The following TWIST2 variants were observed in gnomAD, a reference collection of about 807,000 sequenced individuals.
The protein encoded by TWIST2 is twist-related protein 2.
Under a neutral mutation model 11.6 loss-of-function variants are expected in TWIST2, and 1 was observed. That is an observed-to-expected ratio of 0.09 (90% CI 0.03 to 0.41). The LOEUF (loss-of-function observed/expected upper bound fraction) is 0.41. TWIST2 is among the 10% of genes least tolerant of loss of function. The pLI is 0.98. For missense variants in TWIST2, 168 were observed against 226.4 expected, an observed-to-expected ratio of 0.74 and a Z score of 1.66; for synonymous variants, 87 against 96.6, an observed-to-expected ratio of 0.90 and a Z score of 0.58.
At chr2:238,902,515 A>G (rs1211038708) in intron 1 of TWIST2, among the ~76,000 whole-genome samples, 2 of 122,686 alleles carry the variant, frequency 1.6e-5, no homozygotes, top group African/African-American at 3.3e-5. Context: ...GTAGGTGTGG[A>G]TGTAGTATGG....
intron 1 of TWIST2, among the ~76,000 whole-genome samples, chr2:238,909,465 C>G (rs1693415987): frequency 6.6e-6 from 1 of 152,168 alleles, no homozygotes; most frequent in Non-Finnish European, 1.5e-5. Context: ...ACGTGCCGAG[C>G]CTCTCTTGTC....
chr2:238,870,085 G>A (rs1574753786), intron 1 of TWIST2, among the ~76,000 whole-genome samples: 1 of 100,020 alleles, frequency 1.0e-5, no homozygotes, highest in African/African-American at 4.4e-5. Context: ...CAAACAAAAC[G>A]ACAAAACGTG....
At chr2:238,880,783 ATTAGTG>A (rs1461311098) in intron 1 of TWIST2, among the ~76,000 whole-genome samples, 5 of 122,854 alleles carry the variant, frequency 4.1e-5, no homozygotes, top group Admixed American at 8.7e-5. Flanking sequence ...CAGTGTTAGT[ATTAGTG>A]TTAGTGTTAG....
At chr2:238,858,950 G>A (rs1333539224) in intron 1 of TWIST2, among the ~76,000 whole-genome samples, 4 of 152,286 alleles carry the variant, frequency 2.6e-5, no homozygotes, top group South Asian at 2.1e-4. Flanking sequence ...AGTGGCTCAC[G>A]CCTGTAATCT....
intron 1 of TWIST2, among the ~76,000 whole-genome samples, chr2:238,904,432 GTGTGTGATGTGGGGTA>G (rs1693317501): frequency 6.6e-6 from 1 of 151,454 alleles, no homozygotes. Flanking sequence ...GATGTGGGGT[GTGTGTGATGTGGGGTA>G]TGTGTGGGAT....
At position 238,880,848 on chromosome 2, in the gene TWIST2, A is replaced by G. The variant is rs1328000760; in HGVS notation, c.*36-28994A>G. On this transcript the variant is annotated intron_variant, in intron 1 of 1. Coordinates refer to ENST00000612363, the MANE Select transcript of TWIST2 (RefSeq NM_001271893.4). ...ATTTATTGGTATTAGTGTTAGTACT[A>G]GTATTTATTAGTGTTAGTGTTATTG... Among the ~76,000 whole-genome samples, 2 of 118,800 alleles carry G rather than the reference A, an allele frequency of 1.7e-5. 1 individual carries two copies. The highest frequency in any genetic ancestry group is 3.5e-5 in the Non-Finnish European group (2 of 56,824). 77.9% of individuals were successfully genotyped at this position (118,800 alleles called of 152,430 possible). A position where few individuals can be genotyped will look rare whatever the true frequency, so the allele number is the denominator to read the frequency against.
At position 238,870,384 on chromosome 2, in the gene TWIST2, C is replaced by A. The variant is rs373490187; in HGVS notation, c.*35+21651C>A. Among the ~76,000 whole-genome samples, 7 of 1,788 alleles carry A rather than the reference C, an allele frequency of 3.9e-3. 1 individual carries two copies. Among genetic ancestry groups the A allele is most frequent in the Non-Finnish European group, 6.6e-3 (3 of 458 alleles). 1.2% of individuals were successfully genotyped at this position (1,788 alleles called of 152,430 possible). On this transcript the variant is annotated intron_variant, in intron 1 of 1. Transcript: ENST00000612363. The stretch of plus-strand genomic sequence containing the variant: ...ACACACACCACACACCCCACACACC[C>A]CACACACCCCACACACACATCACAT...
At chr2:238,850,479 C>T (rs905593183) in intron 1 of TWIST2, among the ~76,000 whole-genome samples, 2 of 152,102 alleles carry the variant, frequency 1.3e-5, no homozygotes, top group Non-Finnish European at 2.9e-5. Flanking sequence ...CACATTGAGC[C>T]GTGTTTAAGG....
chr2:238,904,975 G>C (rs1280426519), intron 1 of TWIST2, among the ~76,000 whole-genome samples: 2 of 150,718 alleles, frequency 1.3e-5, no homozygotes, highest in Admixed American at 6.6e-5. Flanking sequence ...GGAAGGAAGA[G>C]AGAAAGAAAA....
intron 1 of TWIST2, among the ~76,000 whole-genome samples, chr2:238,902,302 T>C (rs1452484683): frequency 1.3e-5 from 2 of 150,352 alleles, no homozygotes; most frequent in African/African-American, 4.9e-5. Context: ...ATATGGAGTA[T>C]GTGTGTGTGA....
intron 1 of TWIST2, among the ~76,000 whole-genome samples, chr2:238,861,306 C>T (rs192417980): frequency 1.3e-5 from 2 of 152,314 alleles, no homozygotes; most frequent in Admixed American, 1.3e-4. Flanking sequence ...AGCACACTTG[C>T]TTTTCCTGGG....
At chr2:238,869,996 C>G (rs1291335158) in intron 1 of TWIST2, among the ~76,000 whole-genome samples, 1 of 151,800 alleles carries the variant, frequency 6.6e-6, no homozygotes, top group East Asian at 1.9e-4. Context: ...AAATTGGAAT[C>G]ATTGGGCACT....
intron 1 of TWIST2, among the ~76,000 whole-genome samples, chr2:238,903,080 T>C (rs1693297145): frequency 7.7e-6 from 1 of 130,408 alleles, no homozygotes; most frequent in Non-Finnish European, 1.6e-5. Flanking sequence ...GTGTGTGATG[T>C]GGGGTGTGTG....
chr2:238,893,827 T>C (rs1693177284), intron 1 of TWIST2, among the ~76,000 whole-genome samples: 1 of 152,134 alleles, frequency 6.6e-6, no homozygotes, highest in Non-Finnish European at 1.5e-5. Flanking sequence ...CGCGGCAGCC[T>C]GCACCCGGCT....
chr2:238,905,908 T>G (rs1330828402), intron 1 of TWIST2, among the ~76,000 whole-genome samples: 3,209 of 43,886 alleles, frequency 0.073, 49 homozygotes, highest in South Asian at 0.16. Context: ...TGTGTGCGTG[T>G]GTGTGCGTGC....
In TWIST2 at chr2:238,868,681, G is replaced by A. The variant is rs148557888; in HGVS notation, c.*35+19948G>A. On this transcript the variant is annotated intron_variant, in intron 1 of 1. Transcript: ENST00000612363. The stretch of plus-strand genomic sequence containing the variant: ...CGTGTTCCAAGGTTGGTGACTGTCC[G>A]TGATCACCAGCTGCCACCATGACCA... Among the ~76,000 whole-genome samples the A allele has an allele frequency of 3.4e-3, 524 of 152,342 alleles. 8 individuals are homozygous for A. The highest frequency in any genetic ancestry group is 0.024 in the East Asian group (125 of 5,190).
At chr2:238,862,666 A>T (rs138869663) in intron 1 of TWIST2, among the ~76,000 whole-genome samples, 2,185 of 152,334 alleles carry the variant, frequency 0.014, 52 homozygotes, top group African/African-American at 0.049. Context: ...CTAGGACTGG[A>T]AATACCCTTT....
At position 238,867,480 on chromosome 2, in the gene TWIST2, G is replaced by A. The variant is rs950802565; in HGVS notation, c.*35+18747G>A. 6.6e-6 allele frequency among the ~76,000 whole-genome samples: 1 copy of A among 151,728 alleles called. No homozygotes were observed. The highest frequency in any genetic ancestry group is 2.4e-5 in the African/African-American group (1 of 41,276). On this transcript the variant is annotated intron_variant, in intron 1 of 1. Coordinates refer to ENST00000612363, the MANE Select transcript of TWIST2 (RefSeq NM_001271893.4). The surrounding 1 kb of genome is among the most constrained non-coding windows in gnomAD (Gnocchi z 4.8). ...GCTCTGGGGGCAGGGGCACAATAAA[G>A]AGAAGTCCCAGCCAGCTCCCGGGGT...
intron 1 of TWIST2, among the ~76,000 whole-genome samples, chr2:238,883,920 G>A (rs529279185): frequency 1.3e-5 from 2 of 152,308 alleles, no homozygotes; most frequent in East Asian, 3.9e-4. Context: ...GGGTGAAGCC[G>A]GAGTCGTGAG....
Sources: allele counts gnomAD v4.1 joint callset (sites outside exome capture counted in the v4.1 genomes callset), GRCh38; gene constraint gnomAD v4.1.1; non-coding constraint Gnocchi (gnomAD v3.1); transcripts MANE v1.5; gene names NCBI Gene and HGNC (gene_info 2026-07-23, HGNC 2026-07-21).